UNC13B: variants seen among roughly 807,000 people sequenced by gnomAD.
UNC13B encodes protein unc-13 homolog B.
A neutral mutation model predicts 211.0 loss-of-function variants in UNC13B; 144 were observed. That is an observed-to-expected ratio of 0.68 (90% CI 0.60 to 0.78). The LOEUF is 0.78. Among genes scored for constraint, UNC13B ranks in the 30% least tolerant of loss-of-function variants. The pLI, the probability that UNC13B is intolerant of heterozygous loss-of-function variation, is 0.00. For missense variants in UNC13B, 1,777 were observed against 2,002.0 expected, an observed-to-expected ratio of 0.89 and a Z score of 2.14; for synonymous variants, 709 against 725.8, an observed-to-expected ratio of 0.98 and a Z score of 0.37.
chr9:35,170,322 C>T (rs1399568828), intron 1 of UNC13B, among the ~76,000 whole-genome samples: 1 of 149,986 alleles, frequency 6.7e-6, no homozygotes, highest in African/African-American at 2.5e-5. Flanking sequence ...TCCACCACCA[C>T]GCCTAGCTAA....
At chr9:35,293,499 A>G (rs1025510977) in intron 7 of UNC13B, among the ~76,000 whole-genome samples, 1 of 151,944 alleles carries the variant, frequency 6.6e-6, no homozygotes, top group African/African-American at 2.4e-5. Context: ...AGTTTAGTAG[A>G]CCTCTGGTTT....
chr9:35,363,810 A>T (rs957644792), intron 11 of UNC13B, among the ~76,000 whole-genome samples: 2 of 152,084 alleles, frequency 1.3e-5, no homozygotes, highest in Non-Finnish European at 2.9e-5. Flanking sequence ...GCCCTTCTGG[A>T]AGTGTCAGTT....
In UNC13B at chr9:35,303,262, C is replaced by T; in HGVS notation, c.3858C>T (p.Ser1286=). 1 of 398,504 alleles carries T rather than the reference C, an allele frequency of 2.5e-6. No homozygotes were observed. Among genetic ancestry groups the T allele is most frequent in the Non-Finnish European group, 4.4e-6 (1 of 225,732 alleles). The allele number at this position is 398,504 out of a possible 1,614,324, so 24.7% of individuals were successfully genotyped here. Residue 1286 remains serine, a synonymous_variant, in exon 9 of 40, where the codon TCC becomes TCT. Transcript: ENST00000635942. ...AGCAAAGTGAAAAGCATCACCCCTC[C>T]TCTGAGAACATTGTACTTCACTGTG... is the stretch of plus-strand genomic sequence containing the variant. The part of the protein sequence containing the change: ...KNQQSEKHHP[S]SENIVLHCAP...
At chr9:35,368,721 G>GTTTT (rs34611015) in intron 12 of UNC13B, among the ~76,000 whole-genome samples, 3,291 of 135,680 alleles carry the variant, frequency 0.024, 123 homozygotes, top group African/African-American at 0.082. Context: ...GTCAGTATCT[G>GTTTT]TTTTTTTTTT....
chr9:35,247,276 A>G (rs1423402525), intron 6 of UNC13B, among the ~76,000 whole-genome samples: 1 of 152,138 alleles, frequency 6.6e-6, no homozygotes, highest in East Asian at 1.9e-4. Flanking sequence ...GGTTTTCTAG[A>G]TATACAATCA....
chr9:35,325,078 T>C (rs1830934341), intron 11 of UNC13B, among the ~76,000 whole-genome samples: 1 of 152,228 alleles, frequency 6.6e-6, no homozygotes, highest in Admixed American at 6.5e-5. Flanking sequence ...GAAGACATTC[T>C]TTTTAAGATG....
chr9:35,230,652 T>A (rs1294813605), intron 2 of UNC13B, among the ~76,000 whole-genome samples: 1 of 152,144 alleles, frequency 6.6e-6, no homozygotes, highest in Non-Finnish European at 1.5e-5. Context: ...TATGTATCTC[T>A]TTCTACATTT....
Position 35,275,738 on chromosome 9 carries a change from G to A in UNC13B, c.526+16688G>A, listed in dbSNP as rs528167567. Among the ~76,000 whole-genome samples the A allele has an allele frequency of 3.9e-5, 6 of 151,926 alleles. No individual in the cohort carries two copies. In the South Asian group the frequency reaches 6.3e-4, roughly 16 times the overall value. The stretch of plus-strand genomic sequence containing the variant: ...CTCCTGAGTAGCTGGGATTACAGGC[G>A]CCTGCAACCACACCTGGCTAATTTT... On this transcript the variant is annotated intron_variant, in intron 7 of 39. Transcript: ENST00000635942.
chr9:35,299,882 GATGAAA>G (rs1829587094), intron 8 of UNC13B, among the ~76,000 whole-genome samples: 1 of 152,142 alleles, frequency 6.6e-6, no homozygotes, highest in East Asian at 1.9e-4. Context: ...ACAGGCTAAA[GATGAAA>G]AAATTAGGAT....
At position 35,397,145 on chromosome 9, in the gene UNC13B, C is replaced by T. The variant is rs569758413; in HGVS notation, c.11533-22C>T. On this transcript the variant is annotated intron_variant, in intron 28 of 39. Transcript: ENST00000635942. ...AAAAGATAGCAGCTGTGGATGGTGA[C>T]CCTGTGTGTGGTCTTCCTTAGTTCC... 2.9e-5 allele frequency: 47 copies of T among 1,612,896 alleles called. No homozygotes were observed. In the South Asian group the frequency reaches 5.1e-4, roughly 17 times the overall value.
At chr9:35,268,058 A>G (rs1827672746) in intron 7 of UNC13B, among the ~76,000 whole-genome samples, 1 of 152,096 alleles carries the variant, frequency 6.6e-6, no homozygotes. Flanking sequence ...TACACAGTTC[A>G]CATCAGCAAG....
chr9:35,281,422 A>C (rs546939565), intron 7 of UNC13B, among the ~76,000 whole-genome samples: 2 of 102,030 alleles, frequency 2.0e-5, no homozygotes, highest in South Asian at 6.3e-4. Context: ...AAAAAAAAAA[A>C]AGAGAGAGAG....
intron 1 of UNC13B, among the ~76,000 whole-genome samples, chr9:35,221,243 T>G (rs7874250): frequency 0.15 from 22,610 of 151,976 alleles, 1,957 homozygotes; most frequent in Admixed American, 0.25. Flanking sequence ...TGATTTTGTG[T>G]ATTTTTGGTA....
At chr9:35,198,386 C>T (rs1823065224) in intron 1 of UNC13B, among the ~76,000 whole-genome samples, 2 of 152,188 alleles carry the variant, frequency 1.3e-5, no homozygotes, top group Admixed American at 1.3e-4. Flanking sequence ...GGCCTTCTGC[C>T]ATGATCATAC....
chr9:35,396,698 T>TA, intron 27 of UNC13B, 96 bp downstream of exon 27: 1 of 1,598,614 alleles, frequency 6.3e-7, no homozygotes, highest in South Asian at 1.1e-5. Flanking sequence ...TCTCGGGGAC[T>TA]GCCTGTTCAG....
intron 12 of UNC13B, among the ~76,000 whole-genome samples, chr9:35,369,922 C>T (rs1485959565): frequency 6.6e-6 from 1 of 152,196 alleles, no homozygotes; most frequent in Admixed American, 6.5e-5. Flanking sequence ...TGTTCTAGCA[C>T]AGCCTTGGCA....
chr9:35,355,344 T>C (rs1832961564), intron 11 of UNC13B, among the ~76,000 whole-genome samples: 1 of 152,226 alleles, frequency 6.6e-6, no homozygotes, highest in Admixed American at 6.5e-5. Flanking sequence ...GTGCCTTCTT[T>C]TAATTTTTAG....
In UNC13B at chr9:35,396,528, C is replaced by G. The variant is rs1256174385; in HGVS notation, c.11361C>G (p.Phe3787Leu). Residue 3787 changes from phenylalanine (F) to leucine (L), a missense_variant, in exon 27 of 40, where the codon TTC becomes TTG. Physicochemically the swap from Phe to Leu is conservative, Grantham distance 22. Transcript: ENST00000635942. ...CKSADYMNLH[F>L]KVKWLHNEYV... ...GTGCTGACTACATGAACCTGCACTT[C>G]AAGGTGAAGTGGCTCCACAATGAAT... The G allele has an allele frequency of 1.7e-5, 27 of 1,614,028 alleles. No individual in the cohort carries two copies. The highest frequency in any genetic ancestry group is 2.0e-5 in the Non-Finnish European group (24 of 1,180,028).
chr9:35,404,742 A>G lies in UNC13B; in HGVS notation c.*709A>G, dbSNP rs1046710034. 2.0e-5 allele frequency: 3 copies of G among 152,596 alleles called. No individual in the cohort carries two copies. Among genetic ancestry groups the G allele is most frequent in the Non-Finnish European group, 1.5e-5 (1 of 68,124 alleles). 9.5% of individuals were successfully genotyped at this position (152,596 alleles called of 1,614,324 possible). ...AGGCACTAGGGGCCACCTGCCTGGG[A>G]GTCTCCCTGCCTCACTCCTCTAGGC... is the stretch of plus-strand genomic sequence containing the variant. On this transcript the variant is annotated 3_prime_UTR_variant, in exon 40 of 40. Coordinates refer to ENST00000635942, the MANE Select transcript of UNC13B (RefSeq NM_001371189.2).
Sources: allele counts gnomAD v4.1 joint callset (sites outside exome capture counted in the v4.1 genomes callset), GRCh38; gene constraint gnomAD v4.1.1; transcripts MANE v1.5; gene names NCBI Gene and HGNC (gene_info 2026-07-23, HGNC 2026-07-21).